Variants in MMS22L observed in about 807,000 individuals in gnomAD.
MMS22L encodes the protein MMS22 like, DNA repair protein.
In MMS22L, 74 loss-of-function variants were observed where a neutral mutation model predicts 159.1. The observed-to-expected ratio is 0.47, with a 90% CI of 0.39 to 0.56. The LOEUF is 0.56. Ranked by LOEUF, MMS22L falls within the 20% of genes least tolerant of loss-of-function variation. The probability of loss-of-function intolerance (pLI) is 0.00; values close to 1 mark genes in which losing one functional copy is unlikely to be tolerated. For synonymous variants in MMS22L, 517 were observed against 506.9 expected (o/e 1.02, Z -0.27); for missense variants, 1,351 against 1,422.1 (o/e 0.95, Z 0.80).
At chr6:97,214,842 C>T (rs1199609025) in intron 14 of MMS22L, among the ~76,000 whole-genome samples, 1 of 150,942 alleles carries the variant, frequency 6.6e-6, no homozygotes, top group Admixed American at 6.6e-5. Context: ...TGTGCTAACA[C>T]TGTGGTTTCT....
intron 14 of MMS22L, among the ~76,000 whole-genome samples, chr6:97,203,362 G>C (rs566685613): frequency 2.6e-5 from 4 of 152,090 alleles, no homozygotes; most frequent in African/African-American, 9.6e-5. Context: ...CGAGACAAAG[G>C]GCTCTAGAGG....
intron 13 of MMS22L, chr6:97,230,285 A>C (rs893466968): frequency 3.0e-4 from 32 of 108,274 alleles, no homozygotes; most frequent in Non-Finnish European, 4.7e-4. Context: ...TTTTTTTTTT[A>C]GTAGAGACAG....
chr6:97,236,413 C>A (rs1186343710), intron 11 of MMS22L, among the ~76,000 whole-genome samples: 5 of 151,578 alleles, frequency 3.3e-5, no homozygotes. Context: ...AGCTGATGGC[C>A]ATTTGAGATT....
chr6:97,195,659 G>T (rs1806415381), intron 14 of MMS22L, among the ~76,000 whole-genome samples: 1 of 152,090 alleles, frequency 6.6e-6, no homozygotes, highest in African/African-American at 2.4e-5. Context: ...GCTGTTAAAA[G>T]AAAAATCAAG....
chr6:97,257,533 G>A (rs1431603854), intron 9 of MMS22L, among the ~76,000 whole-genome samples: 3 of 152,168 alleles, frequency 2.0e-5, no homozygotes, highest in Non-Finnish European at 4.4e-5. Flanking sequence ...CTGGGCTCAA[G>A]TGATCATCCC....
intron 14 of MMS22L, among the ~76,000 whole-genome samples, chr6:97,220,100 C>T (rs1405171833): frequency 1.3e-5 from 2 of 152,178 alleles, no homozygotes; most frequent in Non-Finnish European, 2.9e-5. Flanking sequence ...CTCTGCTATA[C>T]TGGTCATGTT....
intron 11 of MMS22L, among the ~76,000 whole-genome samples, chr6:97,242,145 T>A (rs1466531972): frequency 6.6e-6 from 1 of 152,192 alleles, no homozygotes; most frequent in Non-Finnish European, 1.5e-5. Flanking sequence ...AAATCCATTG[T>A]TTCTTTGTTG....
intron 7 of MMS22L, among the ~76,000 whole-genome samples, chr6:97,268,412 TCTC>T (rs1387305560): frequency 1.3e-5 from 2 of 152,036 alleles, no homozygotes; most frequent in Non-Finnish European, 2.9e-5. Context: ...ATGGTCTCAA[TCTC>T]CTGACCTTGT....
intron 4 of MMS22L, among the ~76,000 whole-genome samples, chr6:97,276,989 T>C (rs1816299256): frequency 6.6e-6 from 1 of 152,120 alleles, no homozygotes; most frequent in Non-Finnish European, 1.5e-5. Context: ...CAGATGATAA[T>C]GAAACAATAA....
intron 4 of MMS22L, among the ~76,000 whole-genome samples, chr6:97,276,793 A>G (rs778352050): frequency 6.6e-6 from 1 of 152,206 alleles, no homozygotes; most frequent in Non-Finnish European, 1.5e-5. Flanking sequence ...GAGCTCACAG[A>G]TAGACAAAGC....
At chr6:97,216,483 G>C (rs780348029) in intron 14 of MMS22L, among the ~76,000 whole-genome samples, 7 of 152,058 alleles carry the variant, frequency 4.6e-5, no homozygotes, top group Admixed American at 1.3e-4. Flanking sequence ...CACAATGCCA[G>C]TTTATCATAC....
Position 97,189,075 on chromosome 6 carries a change from A to T in MMS22L, c.2040-2385T>A, listed in dbSNP as rs1805569078. Among the ~76,000 whole-genome samples, 3 of 151,966 alleles carry T rather than the reference A, an allele frequency of 2.0e-5. No homozygotes were observed. In the South Asian group the frequency reaches 6.2e-4, roughly 32 times the overall value. ...TGTCTTTTGAAGGGCCAGGAGCAAC[A>T]TCAGAATTCTAACATTAGGAAAGAC... On this transcript the variant is annotated intron_variant, in intron 14 of 24. Transcript: ENST00000683635.
At chr6:97,152,548 T>C (rs1411187250) in intron 22 of MMS22L, among the ~76,000 whole-genome samples, 4 of 152,060 alleles carry the variant, frequency 2.6e-5, no homozygotes, top group Admixed American at 2.0e-4. Context: ...ACACATTAAA[T>C]ATAAGAAACC....
At chr6:97,221,578 GAA>G (rs1020473376) in intron 14 of MMS22L, among the ~76,000 whole-genome samples, 5 of 151,476 alleles carry the variant, frequency 3.3e-5, no homozygotes, top group Non-Finnish European at 7.4e-5. Flanking sequence ...ATTTAACTAG[GAA>G]AAAAAGTTTT....
chr6:97,177,781 A>C (rs1804273141), intron 18 of MMS22L, among the ~76,000 whole-genome samples: 1 of 152,158 alleles, frequency 6.6e-6, no homozygotes. Context: ...TATTGATTTT[A>C]ATTATTTTCA....
intron 12 of MMS22L, 107 bp downstream of exon 12, chr6:97,233,754 T>C (rs1811107993): frequency 7.8e-7 from 1 of 1,281,604 alleles, no homozygotes; most frequent in Non-Finnish European, 1.0e-6. Context: ...AAAAATTAAC[T>C]TTTTAAGAAA....
At position 97,186,675 on chromosome 6, in the gene MMS22L, T is replaced by C. The variant is rs765008652; in HGVS notation, c.2055A>G (p.Gln685=). ...TGTCCCTTTGAAGTTCCTGACACAATTGTTGATGCATACTCCTAAAAAGAA... is the reference window on the plus strand; with the variant it reads ...TGTCCCTTTGAAGTTCCTGACACAACTGTTGATGCATACTCCTAAAAAGAA... ...VLARIRSMHQ[Q]LCQELQRDNV... Residue 685 remains glutamine, a synonymous_variant, in exon 15 of 25, where the codon CAA becomes CAG. Transcript: ENST00000683635. The C allele has an allele frequency of 5.1e-5, 79 of 1,559,718 alleles. No individual in the cohort carries two copies. The highest frequency in any genetic ancestry group is 6.8e-5 in the Non-Finnish European group (78 of 1,154,340).
chr6:97,178,565 ACT>A lies in MMS22L; in HGVS notation c.2555_2556del (p.Gln852LeufsTer10), dbSNP rs1804356692. ...AATAGTAATCTTGTCAGTTTGACCA[ACT>A]GTTTCATGTACTCTTTTTCTGTTAA... ...EEAVEKEYMKQLVKLTRLLFN... is the reference protein window; with the variant it reads ...EEAVEKEYMKXLVKLTRLLFN... On this transcript the variant is annotated frameshift_variant, in exon 18 of 25. Transcript: ENST00000683635. LOFTEE classifies it high-confidence loss of function. The A allele has an allele frequency of 1.9e-6, 3 of 1,539,788 alleles. No homozygotes were observed. The highest frequency in any genetic ancestry group is 1.8e-6 in the Non-Finnish European group (2 of 1,126,984).
At chr6:97,178,093 T>C (rs1208970710) in intron 18 of MMS22L, among the ~76,000 whole-genome samples, 1 of 152,162 alleles carries the variant, frequency 6.6e-6, no homozygotes, top group Non-Finnish European at 1.5e-5. Context: ...GGGAGTATCA[T>C]GGAATGTTTA....
Sources: allele counts gnomAD v4.1 joint callset (sites outside exome capture counted in the v4.1 genomes callset), GRCh38; gene constraint gnomAD v4.1.1; transcripts MANE v1.5; gene names NCBI Gene and HGNC (gene_info 2026-07-23, HGNC 2026-07-21).